Variants in PACRGL observed in about 807,000 individuals in gnomAD.
PACRGL encodes the protein parkin coregulated like, also known as PACRG-like protein.
In PACRGL, 38 loss-of-function variants were observed where a neutral mutation model predicts 34.5. The ratio of observed to expected loss-of-function variants is 1.10; its 90% CI spans 0.85 to 1.44. The LOEUF (loss-of-function observed/expected upper bound fraction) is 1.44. Among genes scored for constraint, PACRGL ranks in the 40% most tolerant of loss-of-function variants. The pLI, the probability that PACRGL is intolerant of heterozygous loss-of-function variation, is 0.00. For synonymous variants in PACRGL, 128 were observed against 100.1 expected, an observed-to-expected ratio of 1.28 and a Z score of -1.66; for missense variants, 305 against 281.4, an observed-to-expected ratio of 1.08 and a Z score of -0.60.
At chr4:20,758,893 A>T in the PACRGL span, 1 of 1,612,040 alleles carries the variant, frequency 6.2e-7, no homozygotes, top group East Asian at 2.2e-5. Context: ...GGGCATTCCT[A>T]GGGAAAGTGG....
Position 20,737,958 on chromosome 4 carries a change from C to T in PACRGL, c.*56+10561C>T, listed in dbSNP as rs575196991. Among the ~76,000 whole-genome samples the T allele has an allele frequency of 2.6e-5, 4 of 152,076 alleles. No individual in the cohort carries two copies. The South Asian group carries it at 8.3e-4, about 32-fold the overall frequency. ...AGCAGCCTGAGCAACGCAGCCAGAT[C>T]CAAATTAACAGCAAGAAAAACAAAT... On this transcript the variant is annotated intron_variant, in intron 8 of 8. Transcript: ENST00000507634.
At position 20,718,163 on chromosome 4, in the gene PACRGL, A is replaced by G. The variant is rs371367191; in HGVS notation, c.609+4624A>G. ...TTATTGGTGTATAAGAATGCTTGTG[A>G]TTTTTGCACATTGATTTTGTATCCT... is the stretch of plus-strand genomic sequence containing the variant. On this transcript the variant is annotated intron_variant, in intron 7 of 8. Coordinates refer to ENST00000503585, the MANE Select transcript of PACRGL (RefSeq NM_001258345.3). 3.6e-4 allele frequency among the ~76,000 whole-genome samples: 55 copies of G among 152,210 alleles called. 1 individual carries two copies. The South Asian group carries it at 0.01, about 29-fold the overall frequency.
At chr4:20,759,629 G>A in the PACRGL span, among the ~76,000 whole-genome samples, 1 of 144,484 alleles carries the variant, frequency 6.9e-6, no homozygotes, top group African/African-American at 2.6e-5. Context: ...GAGTGGTTTT[G>A]GCATTTTTGC....
At chr4:20,725,356 C>T (rs1330699534) in intron 8 of PACRGL, among the ~76,000 whole-genome samples, 1 of 70,758 alleles carries the variant, frequency 1.4e-5, no homozygotes, top group African/African-American at 7.3e-5. Flanking sequence ...TAGGTGTACA[C>T]ACACACACAC....
intron 4 of PACRGL, 103 bp downstream of exon 4, chr4:20,707,973 A>T: frequency 1.1e-6 from 1 of 877,592 alleles, no homozygotes; most frequent in South Asian, 1.6e-5. Flanking sequence ...TTTACTAGTG[A>T]GGTTGAAATA....
chr4:20,702,600 T>C (rs1732674045), intron 1 of PACRGL: 1 of 154,810 alleles, frequency 6.5e-6, no homozygotes, highest in African/African-American at 2.4e-5. Flanking sequence ...GTTCCTGTAA[T>C]TATGCCCAAT....
chr4:20,722,407 T>A (rs1449340128), intron 7 of PACRGL, among the ~76,000 whole-genome samples: 2 of 152,174 alleles, frequency 1.3e-5, no homozygotes, highest in Non-Finnish European at 2.9e-5. Context: ...CACCTGTGTT[T>A]TGCGTCACTC....
chr4:20,754,712 C>T (rs1754209460), downstream of PACRGL, among the ~76,000 whole-genome samples: 2 of 152,066 alleles, frequency 1.3e-5, no homozygotes, highest in South Asian at 4.1e-4. Context: ...TCCCTAATCC[C>T]TTTGGATTTT....
At chr4:20,720,735 T>A (rs1267565950) in intron 7 of PACRGL, among the ~76,000 whole-genome samples, 1 of 152,184 alleles carries the variant, frequency 6.6e-6, no homozygotes, top group Non-Finnish European at 1.5e-5. Flanking sequence ...TAACCCAGCC[T>A]TTCCTTCTGG....
chr4:20,749,879 C>T, intron 8 of PACRGL: 1 of 535,124 alleles, frequency 1.9e-6, no homozygotes. Flanking sequence ...TACCCTCTTT[C>T]TGTAGAGGAC....
chr4:20,716,214 C>A (rs1175026302), intron 7 of PACRGL: 3 of 896,780 alleles, frequency 3.3e-6, no homozygotes, highest in Admixed American at 2.0e-5. Context: ...TGGTTTCTTA[C>A]AACACACAAA....
At chr4:20,740,248 C>T (rs1006039558) in intron 8 of PACRGL, among the ~76,000 whole-genome samples, 6 of 152,132 alleles carry the variant, frequency 3.9e-5, no homozygotes, top group Non-Finnish European at 7.3e-5. Context: ...CACCAAGATA[C>T]TCCTTAAGAG....
intron 7 of PACRGL, among the ~76,000 whole-genome samples, chr4:20,717,544 C>T (rs1221118828): frequency 6.6e-6 from 1 of 152,218 alleles, no homozygotes; most frequent in African/African-American, 2.4e-5. Context: ...TTTCAGCTTT[C>T]TCCATATGGC....
chr4:20,729,590 C>CTTGTTTGTAATTGTTGTAATCTTGT lies in PACRGL; in HGVS notation c.*2255_*2256insGTAATTGTTGTAATCTTGTTTGTTT, dbSNP rs201837967. 3 of 151,094 alleles carry CTTGTTTGTAATTGTTGTAATCTTGT rather than the reference C, an allele frequency of 2.0e-5. No homozygotes were observed. Among genetic ancestry groups the CTTGTTTGTAATTGTTGTAATCTTGT allele is most frequent in the Non-Finnish European group, 4.4e-5 (3 of 67,878 alleles). 9.4% of individuals were successfully genotyped at this position (151,094 alleles called of 1,614,324 possible). On this transcript the variant is annotated 3_prime_UTR_variant, in exon 9 of 9. Transcript: ENST00000503585. ...TATGTGTTTTTTTAATTGTTGTAAT[C>CTTGTTTGTAATTGTTGTAATCTTGT]TTGTTTCCTTAAAGTATATAAATGG... is the stretch of plus-strand genomic sequence containing the variant.
At chr4:20,715,168 C>T (rs1209683177) in intron 7 of PACRGL, among the ~76,000 whole-genome samples, 1 of 152,046 alleles carries the variant, frequency 6.6e-6, no homozygotes, top group African/African-American at 2.4e-5. Context: ...TAAACTGTCA[C>T]AAGGACAAAA....
At chr4:20,716,782 C>T (rs921712380) in intron 7 of PACRGL, among the ~76,000 whole-genome samples, 17 of 152,090 alleles carry the variant, frequency 1.1e-4, no homozygotes, top group Admixed American at 2.0e-4. Flanking sequence ...TGAATAGTGC[C>T]GCAATAAACA....
intron 4 of PACRGL, 140 bp downstream of exon 4, chr4:20,708,010 T>C: frequency 1.5e-6 from 1 of 684,698 alleles, no homozygotes; most frequent in Non-Finnish European, 2.5e-6. Flanking sequence ...CACTTTCTTT[T>C]GGACTGGTAT....
Position 20,712,819 on chromosome 4 carries a change from T to A in PACRGL, c.398T>A (p.Phe133Tyr). ...AGAGAGACTAAGCATCCATACACTT[T>A]TGTGTCAAAGGAGGGTTTTAGAGAA... ...GLRETKHPYT[F>Y]VSKEGFRELL... is the part of the protein sequence containing the mutation. The change falls in exon 6 of 9, where the codon TTT (phenylalanine) becomes TAT (tyrosine). Residue 133 changes from phenylalanine to tyrosine, a missense_variant. Phe to Tyr is a conservative substitution (Grantham distance 22). Coordinates refer to ENST00000503585, the MANE Select transcript of PACRGL (RefSeq NM_001258345.3). 6.3e-7 allele frequency: 1 copy of A among 1,595,440 alleles called. No homozygotes were observed. The highest frequency in any genetic ancestry group is 8.6e-7 in the Non-Finnish European group (1 of 1,169,194).
the PACRGL span, among the ~76,000 whole-genome samples, chr4:20,760,972 A>G: frequency 6.6e-6 from 1 of 152,204 alleles, no homozygotes; most frequent in Non-Finnish European, 1.5e-5. Flanking sequence ...GAGATTTATT[A>G]CATTGATGCA....
Sources: gnomAD v4.1 joint callset for allele counts (sites outside exome capture counted in the v4.1 genomes callset) on GRCh38, gnomAD v4.1.1 for gene constraint, MANE v1.5 for transcripts, NCBI Gene and HGNC (gene_info 2026-07-23, HGNC 2026-07-21) for gene names.